The following CDH4 variants were observed in gnomAD, a reference collection of about 807,000 sequenced individuals.
CDH4 encodes cadherin 4.
In CDH4, 33 loss-of-function variants were observed where a neutral mutation model predicts 86.0. That is an observed-to-expected ratio of 0.38 (90% confidence interval 0.29 to 0.51). The LOEUF is 0.51. Among genes scored for constraint, CDH4 ranks in the 20% least tolerant of loss-of-function variants. The pLI, the probability that CDH4 is intolerant of heterozygous loss-of-function variation, is 0.86. For missense variants in CDH4, 1,114 were observed against 1,307.4 expected, an observed-to-expected ratio of 0.85 and a Z score of 2.28; for synonymous variants, 555 against 549.4, an observed-to-expected ratio of 1.01 and a Z score of -0.14.
rs975296231 is a variant in CDH4, at chr20:61,582,903, A to T, written c.170-160660A>T. 2.0e-5 allele frequency among the ~76,000 whole-genome samples: 3 copies of T among 152,072 alleles called. No homozygotes were observed. Among genetic ancestry groups the T allele is most frequent in the African/African-American group, 7.2e-5 (3 of 41,398 alleles). ...AGAATGTTTTCATCGCCTCACAAAG[A>T]AACTCCACACCCTTGGCTGTCCGCC... On this transcript the variant is annotated intron_variant, in intron 2 of 15. Transcript: ENST00000614565. The surrounding 1 kb of genome is among the most constrained non-coding windows in gnomAD (Gnocchi z 4.2).
intron 9 of CDH4, among the ~76,000 whole-genome samples, chr20:61,921,386 G>A (rs899113206): frequency 3.9e-5 from 6 of 152,268 alleles, no homozygotes. Context: ...ACTTTTTGCA[G>A]GAGTACGTTT....
At chr20:61,785,510 G>A (rs1361324156) in intron 4 of CDH4, among the ~76,000 whole-genome samples, 2 of 152,192 alleles carry the variant, frequency 1.3e-5, no homozygotes, top group African/African-American at 2.4e-5. Context: ...CTGTCAGGTA[G>A]GATCGTCTGG....
intron 6 of CDH4, among the ~76,000 whole-genome samples, chr20:61,855,754 G>A (rs985788860): frequency 1.5e-4 from 23 of 152,366 alleles, no homozygotes; most frequent in African/African-American, 5.1e-4. Context: ...CCGGCTGCCC[G>A]GCCATTTGCA....
intron 2 of CDH4, among the ~76,000 whole-genome samples, chr20:61,466,052 T>C (rs1255703072): frequency 6.6e-6 from 1 of 152,148 alleles, no homozygotes; most frequent in Non-Finnish European, 1.5e-5. Context: ...GCATCAACAT[T>C]TAGCTCACCA....
intron 6 of CDH4, among the ~76,000 whole-genome samples, chr20:61,858,650 A>G (rs1983179941): frequency 1.3e-5 from 2 of 152,208 alleles, no homozygotes; most frequent in Non-Finnish European, 2.9e-5. Flanking sequence ...CAAGGATACT[A>G]TAGAAATGGA....
chr20:61,753,857 C>T (rs2088527388), intron 3 of CDH4, among the ~76,000 whole-genome samples: 1 of 152,184 alleles, frequency 6.6e-6, no homozygotes, highest in Non-Finnish European at 1.5e-5. Flanking sequence ...TTGGGCTGAA[C>T]TATGTCCCCT....
At chr20:61,647,576 TCC>T (rs1568732021) in intron 2 of CDH4, among the ~76,000 whole-genome samples, 2 of 95,866 alleles carry the variant, frequency 2.1e-5, no homozygotes, top group African/African-American at 9.2e-5. Context: ...TCTCCCTCCC[TCC>T]CCCTCTCCTC....
In CDH4 at chr20:61,940,440, G is replaced by C. The variant is rs1431932540; in HGVS notation, c.*3497G>C. 6.7e-6 allele frequency: 1 copy of C among 149,356 alleles called. No individual in the cohort carries two copies. The highest frequency in any genetic ancestry group is 2.0e-4 in the East Asian group (1 of 5,122). 9.3% of individuals were successfully genotyped at this position (149,356 alleles called of 1,614,324 possible). A position where few individuals can be genotyped will look rare whatever the true frequency, so the allele number is the denominator to read the frequency against. ...GCACAACTATTTTGTATTGTTGTTT[G>C]TATCATTTTGTACCAAAAAAAAAAA... is the stretch of plus-strand genomic sequence containing the variant. On this transcript the variant is annotated 3_prime_UTR_variant, in exon 16 of 16. Coordinates refer to ENST00000614565, the MANE Select transcript of CDH4 (RefSeq NM_001794.5).
rs193033357 is a variant in CDH4, at chr20:61,618,926, G to A, written c.170-124637G>A. On this transcript the variant is annotated intron_variant, in intron 2 of 15. Coordinates refer to ENST00000614565, the MANE Select transcript of CDH4 (RefSeq NM_001794.5). ...AAGAGCGTGCAGGCTGGCTTACAAC[G>A]CTGCACCCAGGGCCCGGGATGTGCC... is the stretch of plus-strand genomic sequence containing the variant. Among the ~76,000 whole-genome samples, 45 of 152,244 alleles carry A rather than the reference G, an allele frequency of 3.0e-4. 1 individual carries two copies. The highest frequency in any genetic ancestry group is 2.3e-3 in the East Asian group (12 of 5,174).
chr20:61,438,678 T>G (rs2085298382), intron 2 of CDH4, among the ~76,000 whole-genome samples: 1 of 152,182 alleles, frequency 6.6e-6, no homozygotes, highest in South Asian at 2.1e-4. Context: ...AAACATTTCA[T>G]ATGAAAAGGC....
chr20:61,855,497 C>T lies in CDH4; in HGVS notation c.877+2599C>T, dbSNP rs145711710. The stretch of plus-strand genomic sequence containing the variant: ...AAGGGTGCAGATGTGGAGGAGTGGG[C>T]GGCAGGCCAGGCACACTCCTCACAC... On this transcript the variant is annotated intron_variant, in intron 6 of 15. Coordinates refer to ENST00000614565, the MANE Select transcript of CDH4 (RefSeq NM_001794.5). 9.7e-3 allele frequency among the ~76,000 whole-genome samples: 1,477 copies of T among 152,218 alleles called. 22 individuals carry two copies. The highest frequency in any genetic ancestry group is 0.033 in the African/African-American group (1,384 of 41,516).
intron 2 of CDH4, among the ~76,000 whole-genome samples, chr20:61,464,839 G>A (rs1309558155): frequency 6.6e-6 from 1 of 152,202 alleles, no homozygotes; most frequent in Admixed American, 6.5e-5. Flanking sequence ...TGGACTTGGA[G>A]CTGTTACCAA....
chr20:61,471,853 A>T (rs1430126708), intron 2 of CDH4, among the ~76,000 whole-genome samples: 1 of 151,484 alleles, frequency 6.6e-6, no homozygotes, highest in Admixed American at 6.6e-5. Context: ...CTAGTTTTCC[A>T]TTGTGGTCAG....
At chr20:61,881,385 G>A (rs1984268765) in intron 7 of CDH4, among the ~76,000 whole-genome samples, 1 of 152,230 alleles carries the variant, frequency 6.6e-6, no homozygotes, top group Admixed American at 6.5e-5. Flanking sequence ...CAGGGCTGCA[G>A]GAGAGAGAAG....
chr20:61,662,066 G>A (rs149549134), intron 2 of CDH4, among the ~76,000 whole-genome samples: 215 of 152,220 alleles, frequency 1.4e-3, no homozygotes, highest in African/African-American at 5.1e-3. Flanking sequence ...TCCCAAGCTG[G>A]GTTTCTCTGG....
intron 2 of CDH4, among the ~76,000 whole-genome samples, chr20:61,429,715 GTGGATGGGTGCATGAATAGATGGA>G (rs2085234658): frequency 2.0e-5 from 3 of 149,944 alleles, no homozygotes; most frequent in Non-Finnish European, 4.4e-5. Context: ...GGATAGATGG[GTGGATGGGTGCATGAATAGATGGA>G]TGGATGGATA....
chr20:61,455,522 G>T (rs978558656), intron 2 of CDH4, among the ~76,000 whole-genome samples: 1 of 152,138 alleles, frequency 6.6e-6, no homozygotes, highest in African/African-American at 2.4e-5. Flanking sequence ...AATAAATCCC[G>T]CAAAAACCAG....
intron 2 of CDH4, among the ~76,000 whole-genome samples, chr20:61,418,843 A>G (rs6061373): frequency 0.39 from 59,527 of 151,728 alleles, 15,274 homozygotes; most frequent in African/African-American, 0.73. Context: ...CAGCACCCCC[A>G]CACCCCCGCA....
intron 2 of CDH4, among the ~76,000 whole-genome samples, chr20:61,534,448 A>G (rs1346717967): frequency 6.6e-6 from 1 of 152,096 alleles, no homozygotes; most frequent in Non-Finnish European, 1.5e-5. Context: ...ACACTTTTTT[A>G]AAGGTGGTAA....
Sources: gnomAD v4.1 joint callset for allele counts (sites outside exome capture counted in the v4.1 genomes callset) on GRCh38, gnomAD v4.1.1 for gene constraint, Gnocchi (gnomAD v3.1) non-coding constraint, MANE v1.5 for transcripts, NCBI Gene and HGNC (gene_info 2026-07-23, HGNC 2026-07-21) for gene names.